MED13L: variants seen among roughly 807,000 people sequenced by gnomAD.
The protein encoded by MED13L is mediator of RNA polymerase II transcription subunit 13-like.
Under a neutral mutation model 220.9 loss-of-function variants are expected in MED13L, and 7 were observed. The ratio of observed to expected loss-of-function variants is 0.03; its 90% CI spans 0.02 to 0.06. The LOEUF is 0.06. Among genes scored for constraint, MED13L ranks in the 10% least tolerant of loss-of-function variants. MED13L has a pLI of 1.00. For missense variants in MED13L, 1,965 were observed against 2,760.5 expected (o/e 0.71, Z 6.46); for synonymous variants, 1,011 against 1,015.2 (o/e 1.00, Z 0.08).
At chr12:116,189,247 A>T (rs1593146075) in intron 2 of MED13L, among the ~76,000 whole-genome samples, 4 of 104,738 alleles carry the variant, frequency 3.8e-5, no homozygotes, top group Admixed American at 2.8e-4. Flanking sequence ...TTTAAATGGC[A>T]ATTTTGGTAA....
chr12:116,017,491 C>T, intron 7 of MED13L, among the ~76,000 whole-genome samples: 1 of 152,240 alleles, frequency 6.6e-6, no homozygotes, highest in Middle Eastern at 3.4e-3. Context: ...ATTCATATAT[C>T]TTCTCTATGA....
At chr12:115,980,129 G>C (rs1482835126) in intron 23 of MED13L, among the ~76,000 whole-genome samples, 1 of 152,032 alleles carries the variant, frequency 6.6e-6, no homozygotes. Context: ...TCTGATCTAA[G>C]ACACAGATTA....
At chr12:116,255,322 T>G (rs1871944279) in intron 1 of MED13L, among the ~76,000 whole-genome samples, 1 of 152,222 alleles carries the variant, frequency 6.6e-6, no homozygotes, top group African/African-American at 2.4e-5. Flanking sequence ...GCTAAACGTA[T>G]GCAAAACAAA....
At chr12:116,046,013 G>A (rs959868536) in intron 4 of MED13L, among the ~76,000 whole-genome samples, 1 of 151,982 alleles carries the variant, frequency 6.6e-6, no homozygotes, top group African/African-American at 2.4e-5. Flanking sequence ...TCTGGAGAAA[G>A]ACATGCTTAA....
chr12:116,234,501 A>AT (rs1869887917), intron 2 of MED13L, among the ~76,000 whole-genome samples: 1 of 152,126 alleles, frequency 6.6e-6, no homozygotes, highest in African/African-American at 2.4e-5. Flanking sequence ...AAGTGCAGGG[A>AT]TTACAGGCGT....
At chr12:115,999,206 A>G (rs1229356751) in intron 14 of MED13L, among the ~76,000 whole-genome samples, 3 of 152,154 alleles carry the variant, frequency 2.0e-5, no homozygotes, top group African/African-American at 7.2e-5. Context: ...TGAGGTCAGG[A>G]GTTCGAGACC....
chr12:116,026,356 A>G (rs1169556040), intron 4 of MED13L, among the ~76,000 whole-genome samples: 1 of 152,246 alleles, frequency 6.6e-6, no homozygotes, highest in Admixed American at 6.5e-5. Flanking sequence ...TTTTATATTG[A>G]TAACTTAAAA....
intron 23 of MED13L, among the ~76,000 whole-genome samples, chr12:115,976,106 T>C (rs1309280549): frequency 1.3e-5 from 2 of 152,142 alleles, no homozygotes; most frequent in Admixed American, 6.5e-5. Flanking sequence ...TTGGTAAGAA[T>C]ATGGAGCAAC....
chr12:116,088,912 G>GA (rs1258392186), intron 4 of MED13L, among the ~76,000 whole-genome samples: 1 of 151,838 alleles, frequency 6.6e-6, no homozygotes, highest in Non-Finnish European at 1.5e-5. Flanking sequence ...TTCAACATAT[G>GA]AAAAAACAAG....
chr12:116,245,913 GCTCT>G lies in MED13L; in HGVS notation c.73-8212_73-8209del, dbSNP rs935785599. ...GAATGTGAATTTCTAGATTGAAAGA[GCTCT>G]CTGAGTGCTCAGAACAATGGATTAA... On this transcript the variant is annotated intron_variant, in intron 1 of 30. Transcript: ENST00000281928. Among the ~76,000 whole-genome samples the G allele has an allele frequency of 7.2e-5, 11 of 152,156 alleles. No individual in the cohort carries two copies. The East Asian group carries it at 1.3e-3, about 19-fold the overall frequency.
chr12:115,988,841 G>T (rs148294317), intron 17 of MED13L, among the ~76,000 whole-genome samples: 1 of 152,112 alleles, frequency 6.6e-6, no homozygotes, highest in Non-Finnish European at 1.5e-5. Flanking sequence ...CTGTCCGAAG[G>T]CCTATCTAGT....
intron 19 of MED13L, among the ~76,000 whole-genome samples, chr12:115,984,801 T>C (rs1354550104): frequency 6.6e-6 from 1 of 152,146 alleles, no homozygotes; most frequent in Non-Finnish European, 1.5e-5. Context: ...GGGCCATCTG[T>C]TCTGTTACAG....
chr12:116,130,830 C>A (rs1876006762), intron 2 of MED13L, among the ~76,000 whole-genome samples: 1 of 145,364 alleles, frequency 6.9e-6, no homozygotes. Flanking sequence ...AATATAAGCT[C>A]TGAACAAGTA....
chr12:115,961,552 C>A (rs1174688345), intron 30 of MED13L, 154 bp from the exon 31 acceptor site: 5 of 1,068,348 alleles, frequency 4.7e-6, no homozygotes, highest in Non-Finnish European at 6.9e-6. Flanking sequence ...GTCTCATGTT[C>A]CTCCTTCCTT....
At chr12:116,088,839 G>A (rs1049840223) in intron 4 of MED13L, among the ~76,000 whole-genome samples, 1 of 150,436 alleles carries the variant, frequency 6.6e-6, no homozygotes, top group Non-Finnish European at 1.5e-5. Context: ...TCAACAACAC[G>A]TTCAAAGATA....
intron 4 of MED13L, among the ~76,000 whole-genome samples, chr12:116,061,949 A>G (rs1334969178): frequency 6.8e-6 from 1 of 146,736 alleles, no homozygotes; most frequent in African/African-American, 2.5e-5. Flanking sequence ...CAGAGCTTGC[A>G]GTGAGCCGAG....
chr12:116,120,999 C>T (rs890735275), intron 2 of MED13L, among the ~76,000 whole-genome samples: 4 of 152,150 alleles, frequency 2.6e-5, no homozygotes, highest in Admixed American at 6.6e-5. Context: ...TTGTCTATTA[C>T]AGCCAGATTA....
intron 4 of MED13L, among the ~76,000 whole-genome samples, chr12:116,038,745 A>C (rs1592975431): frequency 1.2e-4 from 1 of 8,008 alleles, no homozygotes; most frequent in African/African-American, 4.1e-4. Flanking sequence ...TCAAAAGGCC[A>C]AAAAAAAAAA....
At chr12:116,114,324 T>TAAC (rs1291971639) in intron 2 of MED13L, among the ~76,000 whole-genome samples, 2 of 152,238 alleles carry the variant, frequency 1.3e-5, no homozygotes, top group Non-Finnish European at 2.9e-5. Context: ...ACTGAGGTGT[T>TAAC]AACAGCTCTC....
Sources: allele counts gnomAD v4.1 joint callset (sites outside exome capture counted in the v4.1 genomes callset), GRCh38; gene constraint gnomAD v4.1.1; transcripts MANE v1.5; gene names NCBI Gene and HGNC (gene_info 2026-07-23, HGNC 2026-07-21).